The following KDELR1 variants were observed in gnomAD, a reference collection of about 807,000 sequenced individuals.
The protein encoded by KDELR1 is KDEL endoplasmic reticulum protein retention receptor 1.
In KDELR1, 16 loss-of-function variants were observed where a neutral mutation model predicts 25.5. That is an observed-to-expected ratio of 0.63 (90% confidence interval 0.43 to 0.95). The LOEUF is 0.95. Among genes scored for constraint, KDELR1 ranks in the 40% least tolerant of loss-of-function variants. KDELR1 has a pLI of 0.00. For synonymous variants in KDELR1, 121 were observed against 115.0 expected, an observed-to-expected ratio of 1.05 and a Z score of -0.33; for missense variants, 159 against 265.2, an observed-to-expected ratio of 0.60 and a Z score of 2.78.
chr19:48,394,083 G>A (rs1314117504), upstream of KDELR1, among the ~76,000 whole-genome samples: 2 of 152,034 alleles, frequency 1.3e-5, no homozygotes, highest in African/African-American at 2.4e-5. This position sits in a 1 kb window ranked among gnomAD's most constrained non-coding sequence, Gnocchi z 5.1. Context: ...GCCTGCGTCC[G>A]GCCAGGCGTC....
intron 4 of KDELR1, 40 bp from the exon 5 acceptor site, chr19:48,383,367 C>T (rs1294042803): frequency 1.9e-6 from 3 of 1,547,048 alleles, no homozygotes; most frequent in Admixed American, 2.0e-5. Context: ...ACCGCTGGGG[C>T]CCCTGCAGGG....
Position 48,386,372 on chromosome 19 carries a change from C to T in KDELR1, c.352-1890G>A, listed in dbSNP as rs1042514820. ...CCTCAAGTGATCCACCCACCTCACC[C>T]TCCCAAAGTGCTGGGATCACAGGCG... On this transcript the variant is annotated intron_variant, in intron 3 of 4. Transcript: ENST00000330720. Among the ~76,000 whole-genome samples, 6 of 152,046 alleles carry T rather than the reference C, an allele frequency of 3.9e-5. No homozygotes were observed. The South Asian group carries it at 6.2e-4, about 16-fold the overall frequency.
rs980419025 is a variant in KDELR1, at chr19:48,390,922, C to T, written c.91+346G>A. The T allele has an allele frequency of 4.4e-5, 20 of 457,942 alleles. 1 individual carries two copies. The Admixed American group carries it at 5.0e-4, about 12-fold the overall frequency. 28.4% of individuals were successfully genotyped at this position (457,942 alleles called of 1,614,324 possible). On this transcript the variant is annotated intron_variant, in intron 1 of 4. Coordinates refer to ENST00000330720, the MANE Select transcript of KDELR1 (RefSeq NM_006801.3). ...GGCCCCGGATCCGGTCACCTCCCTC[C>T]CGTTCCCTTCCTGGCCGCCACGGTC... is the stretch of plus-strand genomic sequence containing the variant.
At position 48,390,539 on chromosome 19, in the gene KDELR1, CAGAGAAAGAGAGAGAGAG is replaced by C. The variant is rs762693725; in HGVS notation, c.92-33_92-16del. ...CCCTGAAATTCCTGTGGTCCAGAGACAGAGAAAGAGAGAGAGAGAGAGACAGAGAGAGAGAGAGAGACA... is the reference window on the plus strand; with the variant it reads ...CCCTGAAATTCCTGTGGTCCAGAGACAGAGACAGAGAGAGAGAGAGAGACA... On this transcript the variant is annotated splice_polypyrimidine_tract_variant and intron_variant, in intron 1 of 4. Coordinates refer to ENST00000330720, the MANE Select transcript of KDELR1 (RefSeq NM_006801.3). 15 of 1,475,492 alleles carry C rather than the reference CAGAGAAAGAGAGAGAGAG, an allele frequency of 1.0e-5. No homozygotes were observed. The highest frequency in any genetic ancestry group is 1.4e-5 in the Non-Finnish European group (15 of 1,072,408). 91.4% of individuals were successfully genotyped at this position (1,475,492 alleles called of 1,614,324 possible). A position where few individuals can be genotyped will look rare whatever the true frequency, so the allele number is the denominator to read the frequency against.
intron 1 of KDELR1, among the ~76,000 whole-genome samples, chr19:48,391,006 G>A (rs914687356): frequency 1.3e-5 from 2 of 152,064 alleles, no homozygotes; most frequent in Non-Finnish European, 2.9e-5. Context: ...CCCGGTCCAT[G>A]AACCCTCGGG....
At chr19:48,390,658 C>A in intron 1 of KDELR1, 134 bp from the exon 2 acceptor site, 1 of 644,626 alleles carries the variant, frequency 1.6e-6, no homozygotes, top group Non-Finnish European at 2.7e-6. Context: ...AGGCAGGGCG[C>A]CCGGGACCAG....
chr19:48,388,876 GAAGGAAGA>G (rs1236135456), intron 3 of KDELR1, among the ~76,000 whole-genome samples: 2 of 144,806 alleles, frequency 1.4e-5, no homozygotes, highest in African/African-American at 5.2e-5. Context: ...AGAAAGGAAG[GAAGGAAGA>G]AAGAAAGGAA....
intron 1 of KDELR1, among the ~76,000 whole-genome samples, chr19:48,391,038 G>T (rs533304586): frequency 6.6e-6 from 1 of 152,232 alleles, no homozygotes; most frequent in African/African-American, 2.4e-5. Flanking sequence ...GGGGCTGGGG[G>T]TGGCTGAATT....
chr19:48,388,763 G>GGAAA (rs889186735), intron 3 of KDELR1, among the ~76,000 whole-genome samples: 2 of 138,264 alleles, frequency 1.4e-5, no homozygotes, highest in Admixed American at 1.6e-4. Flanking sequence ...AAGAAAGAAA[G>GGAAA]GAAAGAAAGG....
intron 1 of KDELR1, among the ~76,000 whole-genome samples, chr19:48,391,038 G>A (rs533304586): frequency 6.6e-6 from 1 of 152,348 alleles, no homozygotes; most frequent in East Asian, 1.9e-4. Flanking sequence ...GGGGCTGGGG[G>A]TGGCTGAATT....
chr19:48,395,734 C>T (rs1349832016), upstream of KDELR1, among the ~76,000 whole-genome samples: 2 of 151,726 alleles, frequency 1.3e-5, no homozygotes, highest in African/African-American at 2.4e-5. Context: ...GGCCAGAGCT[C>T]GGTGGGGGGG....
At chr19:48,390,892 C>T (rs963585874) in intron 1 of KDELR1, 10 of 437,026 alleles carry the variant, frequency 2.3e-5, no homozygotes, top group Non-Finnish European at 3.8e-5. Flanking sequence ...CCTTCCCTGA[C>T]CTCAGGCCCC....
In KDELR1 at chr19:48,383,298, C is replaced by T. The variant is rs867228533; in HGVS notation, c.634G>A (p.Ala212Thr). The T allele has an allele frequency of 2.6e-6, 4 of 1,552,056 alleles. No homozygotes were observed. In the African/African-American group the frequency reaches 5.5e-5, roughly 21 times the overall value. Residue 212 changes from alanine to threonine, a missense_variant, in exon 5 of 5, where the codon GCA becomes ACA. By Grantham distance (58) the Ala-to-Thr change is moderately conservative. Coordinates refer to ENST00000330720, the MANE Select transcript of KDELR1 (RefSeq NM_006801.3). ...AGAGATGGAGAGGACCGGGGCTATGCCGGCAAACTCAACTTCTTCCCCTTT... is the reference window on the plus strand; with the variant it reads ...AGAGATGGAGAGGACCGGGGCTATGTCGGCAAACTCAACTTCTTCCCCTTT... ...VLKGKKLSLPA is the reference protein window; with the variant it reads ...VLKGKKLSLPT
intron 3 of KDELR1, among the ~76,000 whole-genome samples, chr19:48,388,021 G>A (rs1970509972): frequency 6.6e-6 from 1 of 152,144 alleles, no homozygotes; most frequent in African/African-American, 2.4e-5. Flanking sequence ...ATCAGAGATG[G>A]GACTAAACAC....
chr19:48,391,200 A>G, intron 1 of KDELR1, 68 bp downstream of exon 1: 1 of 1,371,952 alleles, frequency 7.3e-7, no homozygotes, highest in Non-Finnish European at 1.0e-6. Context: ...ACCCTTCCTG[A>G]GTCCTGCGAC....
chr19:48,394,698 C>T (rs538101382), upstream of KDELR1, among the ~76,000 whole-genome samples: 4 of 152,230 alleles, frequency 2.6e-5, no homozygotes, highest in Non-Finnish European at 4.4e-5. The surrounding 1 kb of genome is among the most constrained non-coding windows in gnomAD (Gnocchi z 5.1). Context: ...TCCAGGTGGC[C>T]GCAACCTTGG....
chr19:48,394,391 G>A (rs947320315), upstream of KDELR1, among the ~76,000 whole-genome samples: 1 of 140,814 alleles, frequency 7.1e-6, no homozygotes, highest in Non-Finnish European at 1.5e-5. This position sits in a 1 kb window ranked among gnomAD's most constrained non-coding sequence, Gnocchi z 5.1. Flanking sequence ...CTCCTCACAC[G>A]CACACACCAG....
chr19:48,396,836 A>G, the KDELR1 span, among the ~76,000 whole-genome samples: 1 of 151,972 alleles, frequency 6.6e-6, no homozygotes, highest in African/African-American at 2.4e-5. Context: ...AGACAGGAGC[A>G]TGACAGCCAG....
chr19:48,383,493 T>G (rs975736904), intron 4 of KDELR1, among the ~76,000 whole-genome samples, 166 bp from the exon 5 acceptor site: 1 of 152,052 alleles, frequency 6.6e-6, no homozygotes. Context: ...TTCCTACCCT[T>G]TCTCACTACT....
Sources: gnomAD v4.1 joint callset for allele counts (sites outside exome capture counted in the v4.1 genomes callset) on GRCh38, gnomAD v4.1.1 for gene constraint, Gnocchi (gnomAD v3.1) non-coding constraint, MANE v1.5 for transcripts, NCBI Gene and HGNC (gene_info 2026-07-23, HGNC 2026-07-21) for gene names.